TTN: variants seen among roughly 807,000 people sequenced by gnomAD.
TTN encodes connectin.
Under a neutral mutation model 3,223.0 loss-of-function variants are expected in TTN, and 1,525 were observed. That is an observed-to-expected ratio of 0.47 (90% confidence interval 0.45 to 0.49). TTN has a LOEUF of 0.49. Ranked by LOEUF, TTN falls within the 20% of genes least tolerant of loss-of-function variation. The pLI is 0.00. For synonymous variants in TTN, 14,094 were observed against 15,161.0 expected (o/e 0.93, Z 5.17); for missense variants, 40,786 against 43,424.0 (o/e 0.94, Z 5.40).
intron 77 of TTN, 30 bp downstream of exon 77, chr2:178,722,229 G>A (rs1312317787): frequency 1.2e-5 from 18 of 1,533,776 alleles, no homozygotes; most frequent in Non-Finnish European, 1.5e-5. Flanking sequence ...GCCACAGTTT[G>A]CAAAGAAAAA....
At position 178,728,402 on chromosome 2, in the gene TTN, C is replaced by G; in HGVS notation, c.19427-5G>C. On this transcript the variant is annotated splice_region_variant and splice_polypyrimidine_tract_variant and intron_variant, in intron 66 of 362. Coordinates refer to ENST00000589042, the MANE Select transcript of TTN (RefSeq NM_001267550.2). ...ATGATGGAGGAATATTTTGATCTGT[C>G]CAATGCAAACAGCAAAACACATCCA... is the stretch of plus-strand genomic sequence containing the variant. 6.3e-7 allele frequency: 1 copy of G among 1,590,300 alleles called. No homozygotes were observed. The highest frequency in any genetic ancestry group is 8.6e-7 in the Non-Finnish European group (1 of 1,167,926).
chr2:178,715,428 G>C, intron 89 of TTN, 65 bp downstream of exon 89: 13 of 1,540,754 alleles, frequency 8.4e-6, no homozygotes, highest in Non-Finnish European at 1.0e-5. Flanking sequence ...AGTCAAACAG[G>C]AAGTTAAGAG....
intron 47 of TTN, chr2:178,748,455 T>C (rs1293801332): frequency 1.2e-6 from 2 of 1,612,952 alleles, no homozygotes; most frequent in South Asian, 1.1e-5. Context: ...GGGCTAGGAA[T>C]TTTTTCTTTA....
intron 259 of TTN, 109 bp from the exon 260 acceptor site, chr2:178,615,077 A>G (rs1040480095): frequency 1.9e-6 from 2 of 1,057,552 alleles, no homozygotes; most frequent in Admixed American, 5.5e-5. Context: ...ACTAGTCTTT[A>G]AATTAAACCT....
rs775248181 is a variant in TTN at position 178,550,274 on chromosome 2, C to G, written c.91565-1G>C. ...GGGCCAAACTCTACTATTGGTGGAACTATAAAAGAAAGAGAAATACTATGT... is the reference window on the plus strand; with the variant it reads ...GGGCCAAACTCTACTATTGGTGGAAGTATAAAAGAAAGAGAAATACTATGT... On this transcript the variant is annotated splice_acceptor_variant, in intron 336 of 362. Coordinates refer to ENST00000589042, the MANE Select transcript of TTN (RefSeq NM_001267550.2). LOFTEE classifies it high-confidence loss of function. The G allele has an allele frequency of 6.2e-7, 1 of 1,602,456 alleles. No individual in the cohort carries two copies. Among genetic ancestry groups the G allele is most frequent in the Non-Finnish European group, 8.5e-7 (1 of 1,174,058 alleles).
chr2:178,640,341 A>AT (rs998353765), intron 221 of TTN, among the ~76,000 whole-genome samples, 200 bp downstream of exon 221: 2 of 151,778 alleles, frequency 1.3e-5, no homozygotes, highest in African/African-American at 2.4e-5. Context: ...CATAAATACA[A>AT]TTTTTTTTCA....
At position 178,557,999 on chromosome 2, in the gene TTN, C is replaced by G; in HGVS notation, c.87355G>C (p.Ala29119Pro). ...TADAGRYEIT[A>P]ANSSGTTKAF... ...TTGGTTGTACCACTGGAGTTGGCAG[C>G]AGTGATTTCATATCTCCCAGCGTCA... The change falls in exon 328 of 363, where the codon GCT (alanine) becomes CCT (proline). Residue 29119 changes from alanine to proline, a missense_variant. Transcript: ENST00000589042. The G allele has an allele frequency of 6.2e-7, 1 of 1,613,746 alleles. No individual in the cohort carries two copies. The highest frequency in any genetic ancestry group is 8.5e-7 in the Non-Finnish European group (1 of 1,179,856).
At position 178,536,533 on chromosome 2, in the gene TTN, G is replaced by C; in HGVS notation, c.100214C>G (p.Thr33405Arg). The C allele has an allele frequency of 6.6e-7, 1 of 1,524,950 alleles. No individual in the cohort carries two copies. Among genetic ancestry groups the C allele is most frequent in the Non-Finnish European group, 8.8e-7 (1 of 1,140,368 alleles). The allele number at this position is 1,524,950 out of a possible 1,614,324, so 94.5% of individuals were successfully genotyped here. A position where few individuals can be genotyped will look rare whatever the true frequency, so the allele number is the denominator to read the frequency against. ...APGKPTITAV[T>R]KDSCVVAWKP... is the part of the protein sequence containing the mutation. ...CCAGGCCACAACACAAGAATCTTTT[G>C]TGACAGCAGTAATAGTTGGTTTGCC... The change falls in exon 357 of 363, where the codon ACA (threonine) becomes AGA (arginine). Residue 33405 changes from threonine to arginine, a missense_variant. Transcript: ENST00000589042.
At position 178,602,480 on chromosome 2, in the gene TTN, T is replaced by C; in HGVS notation, c.54922A>G (p.Ile18308Val). Reference sequence around the variant, plus strand: ...GTACCTTCTTCTTGCATTTCTACAATGTATCCTTTGATTGGGCTGCCACCA... The same window carrying C: ...GTACCTTCTTCTTGCATTTCTACAACGTATCCTTTGATTGGGCTGCCACCA... ...KDGGSPIKGY[I>V]VEMQEEGTTD... Residue 18308 changes from isoleucine to valine, a missense_variant, in exon 283 of 363, where the codon ATT becomes GTT. Transcript: ENST00000589042. 2.5e-6 allele frequency: 4 copies of C among 1,612,090 alleles called. No individual in the cohort carries two copies. Among genetic ancestry groups the C allele is most frequent in the Non-Finnish European group, 3.4e-6 (4 of 1,178,968 alleles).
chr2:178,565,665 C>T lies in TTN; in HGVS notation c.80467G>A (p.Gly26823Arg). The T allele has an allele frequency of 6.2e-7, 1 of 1,613,574 alleles. No homozygotes were observed. Among genetic ancestry groups the T allele is most frequent in the Non-Finnish European group, 8.5e-7 (1 of 1,179,640 alleles). ...GCCACAATGCTCCATTTTTCAGTTCCTTTGGGCTGCATTTCAACAACGTAC... is the reference window on the plus strand; with the variant it reads ...GCCACAATGCTCCATTTTTCAGTTCTTTTGGGCTGCATTTCAACAACGTAC... ...LGYVVEMQPK[G>R]TEKWSIVAES... Residue 26823 changes from glycine to arginine, a missense_variant, in exon 326 of 363, where the codon GGA becomes AGA. Physicochemically the swap from Gly to Arg is moderately radical, Grantham distance 125. Transcript: ENST00000589042.
At position 178,721,997 on chromosome 2, in the gene TTN, G is replaced by T. The variant is rs754885396; in HGVS notation, c.22666C>A (p.Arg7556Ser). Residue 7556 changes from arginine to serine, a missense_variant, in exon 78 of 363, where the codon CGT (arginine) becomes AGT (serine). Transcript: ENST00000589042. ...GTGATTGTATAGTTTCCTCCAGGAC[G>T]GATCTCCTTGTTATCTTTTGACCAA... is the stretch of plus-strand genomic sequence containing the variant. ...ITWSKDNKEI[R>S]PGGNYTITCV... 1.9e-6 allele frequency: 3 copies of T among 1,613,464 alleles called. No homozygotes were observed. The highest frequency in any genetic ancestry group is 2.5e-6 in the Non-Finnish European group (3 of 1,179,564).
chr2:178,694,499 T>C lies in TTN; in HGVS notation c.31426+100A>G, dbSNP rs189955350. ...TTATGTAAAAATGTGCTGTTTTTGG[T>C]CGTTTCAGATTTGTGAGTTACTTAG... On this transcript the variant is annotated intron_variant, in intron 117 of 362. Coordinates refer to ENST00000589042, the MANE Select transcript of TTN (RefSeq NM_001267550.2). 3.2e-5 allele frequency: 24 copies of C among 757,062 alleles called. No homozygotes were observed. The Admixed American group carries it at 6.2e-4, about 20-fold the overall frequency. The allele number at this position is 757,062 out of a possible 1,614,324, so 46.9% of individuals were successfully genotyped here.
chr2:178,561,274 T>C lies in TTN; in HGVS notation c.84858A>G (p.Gly28286=), dbSNP rs886043757. 3 of 1,613,674 alleles carry C rather than the reference T, an allele frequency of 1.9e-6. No homozygotes were observed. Among genetic ancestry groups the C allele is most frequent in the South Asian group, 1.1e-5 (1 of 91,088 alleles). Residue 28286 remains glycine, a synonymous_variant, in exon 326 of 363, where the codon GGA becomes GGG. Coordinates refer to ENST00000589042, the MANE Select transcript of TTN (RefSeq NM_001267550.2). ...GTAGTTCTCTGCGTTCAACAATGTATCCTGTGATCTTAGCTCCACCATCAT... is the reference window on the plus strand; with the variant it reads ...GTAGTTCTCTGCGTTCAACAATGTACCCTGTGATCTTAGCTCCACCATCAT... ...PHYDGGAKIT[G]YIVERRELPD...
Position 178,548,339 on chromosome 2 carries a change from T to C in TTN, c.93287A>G (p.Tyr31096Cys). The change falls in exon 339 of 363, where the codon TAT becomes TGT. Residue 31096 changes from tyrosine to cysteine, a missense_variant. Transcript: ENST00000589042. The surrounding 1 kb of genome is among the most constrained non-coding windows in gnomAD (Gnocchi z 4.3). ...YYFRVSAVNE[Y>C]GVGEPYEMPE... ...CATTTCATAGGGCTCACCAACACCA[T>C]ACTCATTTACTGCAGAAACACGGAA... 9 of 1,613,864 alleles carry C rather than the reference T, an allele frequency of 5.6e-6. No individual in the cohort carries two copies. The highest frequency in any genetic ancestry group is 7.6e-6 in the Non-Finnish European group (9 of 1,179,812).
chr2:178,641,430 C>T lies in TTN; in HGVS notation c.40559-115G>A. On this transcript the variant is annotated intron_variant, in intron 219 of 362. Transcript: ENST00000589042. ...AGGAAAATGAAAAAAAGCATGCTAC[C>T]TAGCACTCTGGAAAGTAAGCATTTA... 4.9e-6 allele frequency: 3 copies of T among 607,872 alleles called. No individual in the cohort carries two copies. The South Asian group carries it at 6.8e-5, about 14-fold the overall frequency. The allele number at this position is 607,872 out of a possible 1,614,324, so 37.7% of individuals were successfully genotyped here.
At chr2:178,675,296 A>G in intron 149 of TTN, 183 bp from the exon 150 acceptor site, 1 of 430,366 alleles carries the variant, frequency 2.3e-6, no homozygotes, top group Non-Finnish European at 4.0e-6. Context: ...TTTAAGATTT[A>G]GGGTTTATTA....
intron 5 of TTN, 24 bp from the exon 6 acceptor site, chr2:178,799,755 C>T (rs894523467): frequency 1.9e-6 from 3 of 1,614,132 alleles, no homozygotes; most frequent in East Asian, 2.2e-5. Flanking sequence ...AAACAAAGCC[C>T]ACGTTGAGGA....
chr2:178,764,098 G>C (rs1422198464), intron 43 of TTN, 79 bp downstream of exon 43: 14 of 1,594,732 alleles, frequency 8.8e-6, no homozygotes, highest in Non-Finnish European at 1.0e-5. Context: ...GTTTGTGATG[G>C]AGGAGAAGCT....
rs1692630285 is a variant in TTN at position 178,538,309 on chromosome 2, G to C, written c.99289+231C>G. ...TTTAAAAAGAAACCATTGCATTAGAGGGAATTACTCAAGGAAAGTGCTCAG... is the reference window on the plus strand; with the variant it reads ...TTTAAAAAGAAACCATTGCATTAGACGGAATTACTCAAGGAAAGTGCTCAG... On this transcript the variant is annotated intron_variant, in intron 354 of 362. Transcript: ENST00000589042. The C allele has an allele frequency of 1.0e-5, 5 of 494,916 alleles. No homozygotes were observed. In the East Asian group the frequency reaches 1.6e-4, roughly 16 times the overall value. 30.7% of individuals were successfully genotyped at this position (494,916 alleles called of 1,614,324 possible).
Sources: gnomAD v4.1 joint callset for allele counts (sites outside exome capture counted in the v4.1 genomes callset) on GRCh38, gnomAD v4.1.1 for gene constraint, Gnocchi (gnomAD v3.1) non-coding constraint, MANE v1.5 for transcripts, NCBI Gene and HGNC (gene_info 2026-07-23, HGNC 2026-07-21) for gene names.